Variants in TSPAN9 observed in about 807,000 individuals in gnomAD.
The protein encoded by TSPAN9 is tetraspanin-9.
TSPAN9 carries 16 observed loss-of-function variants against 31.0 expected under a neutral mutation model. The ratio of observed to expected loss-of-function variants is 0.52; its 90% CI spans 0.35 to 0.78. The LOEUF is 0.78. TSPAN9 is among the 30% of genes least tolerant of loss of function. TSPAN9 has a pLI of 0.01. For synonymous variants in TSPAN9, 145 were observed against 121.6 expected, an observed-to-expected ratio of 1.19 and a Z score of -1.27; for missense variants, 272 against 312.5, an observed-to-expected ratio of 0.87 and a Z score of 0.98.
chr12:3,281,053 C>T, intron 6 of TSPAN9, 145 bp from the exon 7 acceptor site: 2 of 1,348,174 alleles, frequency 1.5e-6, no homozygotes, highest in Non-Finnish European at 2.0e-6. Context: ...AAAGAAGGGA[C>T]AAGAAGCAAG....
intron 3 of TSPAN9, among the ~76,000 whole-genome samples, chr12:3,240,133 T>G (rs2098395838): frequency 6.6e-6 from 1 of 152,106 alleles, no homozygotes; most frequent in South Asian, 2.1e-4. Flanking sequence ...TCCACAACCT[T>G]CCATTCCTTT....
At chr12:3,081,885 A>G (rs972072763) in intron 1 of TSPAN9, among the ~76,000 whole-genome samples, 3 of 146,248 alleles carry the variant, frequency 2.1e-5, no homozygotes, top group Non-Finnish European at 3.0e-5. Flanking sequence ...CTGTGGACCT[A>G]TGGTCCCAGC....
intron 3 of TSPAN9, among the ~76,000 whole-genome samples, chr12:3,211,197 AATTTAT>A (rs1394259678): frequency 3.3e-5 from 5 of 152,184 alleles, no homozygotes; most frequent in Non-Finnish European, 7.3e-5. Flanking sequence ...GTATATTTGG[AATTTAT>A]ATTTGTATAT....
intron 2 of TSPAN9, among the ~76,000 whole-genome samples, chr12:3,175,491 C>T (rs1258033906): frequency 1.3e-5 from 2 of 152,202 alleles, no homozygotes; most frequent in Non-Finnish European, 2.9e-5. Context: ...CCAGGCACCT[C>T]GTCCTTCCCA....
chr12:3,155,377 C>T (rs776894418), intron 2 of TSPAN9, among the ~76,000 whole-genome samples: 5 of 152,262 alleles, frequency 3.3e-5, no homozygotes, highest in South Asian at 2.1e-4. Flanking sequence ...GACTGTTGAT[C>T]GTGTTCTGAG....
chr12:3,094,845 ATCTTTTT>A (rs2098307047), intron 2 of TSPAN9, among the ~76,000 whole-genome samples: 1 of 111,044 alleles, frequency 9.0e-6, no homozygotes, highest in Non-Finnish European at 2.0e-5. Flanking sequence ...AAAATCAATA[ATCTTTTT>A]TTTTTTTTTT....
intron 2 of TSPAN9, among the ~76,000 whole-genome samples, chr12:3,110,705 C>T (rs1420424229): frequency 6.6e-6 from 1 of 152,132 alleles, no homozygotes; most frequent in Non-Finnish European, 1.5e-5. Flanking sequence ...GACTTGGAAA[C>T]AAAAATGCAA....
chr12:3,246,290 C>T (rs189477980), intron 3 of TSPAN9, among the ~76,000 whole-genome samples: 93 of 152,184 alleles, frequency 6.1e-4, no homozygotes, highest in African/African-American at 2.0e-3. Flanking sequence ...ATCTAGTCGC[C>T]TCCCCACTTC....
rs534423030 is a variant in TSPAN9 at position 3,228,440 on chromosome 12, C to CAG, written c.63+27187_63+27188dup. Reference sequence around the variant, plus strand: ...TTTCACGCATGAGGATACTAAATCTCAGAGGTGTTGGGGGACCAGTCACAC... The same window carrying CAG: ...TTTCACGCATGAGGATACTAAATCTCAGAGAGGTGTTGGGGGACCAGTCACAC... On this transcript the variant is annotated intron_variant, in intron 3 of 8. Transcript: ENST00000011898. Among the ~76,000 whole-genome samples the CAG allele has an allele frequency of 1.6e-4, 25 of 152,356 alleles. No individual in the cohort carries two copies. The South Asian group carries it at 5.0e-3, about 30-fold the overall frequency.
chr12:3,145,153 G>A (rs1483443459), intron 2 of TSPAN9, among the ~76,000 whole-genome samples: 3 of 152,164 alleles, frequency 2.0e-5, no homozygotes, highest in Non-Finnish European at 2.9e-5. Context: ...GGCGTCCTCT[G>A]GTGGATGACG....
Position 3,140,771 on chromosome 12 carries a change from G to A in TSPAN9, c.-18+57052G>A, listed in dbSNP as rs370255952. ...GGGCCCACAGGGAAGGCTCAGGGAG[G>A]GCACAGAATGCTGTGAGGTTCCTGG... On this transcript the variant is annotated intron_variant, in intron 2 of 8. Transcript: ENST00000011898. Among the ~76,000 whole-genome samples, 50 of 152,198 alleles carry A rather than the reference G, an allele frequency of 3.3e-4. No homozygotes were observed. The East Asian group carries it at 8.9e-3, about 27-fold the overall frequency.
At chr12:3,154,885 G>A (rs757004813) in intron 2 of TSPAN9, among the ~76,000 whole-genome samples, 2 of 152,170 alleles carry the variant, frequency 1.3e-5, no homozygotes, top group Admixed American at 6.6e-5. Flanking sequence ...GTGGTTGAAC[G>A]TGATCACAGT....
At chr12:3,154,008 ATATGTG>A (rs1358297597) in intron 2 of TSPAN9, among the ~76,000 whole-genome samples, 1 of 56,234 alleles carries the variant, frequency 1.8e-5, no homozygotes, top group Non-Finnish European at 3.8e-5. Flanking sequence ...TATTATATAT[ATATGTG>A]TGTGTGTGTG....
intron 8 of TSPAN9, 130 bp from the exon 9 acceptor site, chr12:3,282,915 C>T (rs1453892479): frequency 9.9e-6 from 8 of 804,254 alleles, no homozygotes; most frequent in African/African-American, 1.7e-5. Flanking sequence ...ATTCCATAAG[C>T]ATTTTCCTGG....
intron 3 of TSPAN9, among the ~76,000 whole-genome samples, chr12:3,205,493 G>A (rs2098374561): frequency 6.6e-6 from 1 of 152,192 alleles, no homozygotes; most frequent in South Asian, 2.1e-4. Context: ...GTACTGGCTC[G>A]GCCATGTCAC....
chr12:3,158,033 T>C (rs2098343162), intron 2 of TSPAN9, among the ~76,000 whole-genome samples: 1 of 152,220 alleles, frequency 6.6e-6, no homozygotes, highest in South Asian at 2.1e-4. Context: ...GATGAAGGAC[T>C]GTCAGCACCA....
At chr12:3,190,227 C>T (rs921517930) in intron 2 of TSPAN9, among the ~76,000 whole-genome samples, 3 of 152,170 alleles carry the variant, frequency 2.0e-5, no homozygotes, top group Non-Finnish European at 2.9e-5. Flanking sequence ...GGTTGCAGAG[C>T]GCCGTCCCAG....
chr12:3,226,777 TATATATATATATATA>T (rs2098387917), intron 3 of TSPAN9, among the ~76,000 whole-genome samples: 2 of 7,146 alleles, frequency 2.8e-4, no homozygotes, highest in African/African-American at 4.7e-4. Flanking sequence ...TATATATATA[TATATATATATATATA>T]TATTTTTTTT....
In TSPAN9 at chr12:3,186,156, C is replaced by T. The variant is rs535849718; in HGVS notation, c.-17-15021C>T. 2.6e-5 allele frequency among the ~76,000 whole-genome samples: 4 copies of T among 152,342 alleles called. No homozygotes were observed. The South Asian group carries it at 6.2e-4, about 24-fold the overall frequency. On this transcript the variant is annotated intron_variant, in intron 2 of 8. Coordinates refer to ENST00000011898, the MANE Select transcript of TSPAN9 (RefSeq NM_006675.5). ...GCTAACTACAGGGCTCCCTCACTCGCCAGTTGCCTGCTCTTGGGAAGCCAA... is the reference window on the plus strand; with the variant it reads ...GCTAACTACAGGGCTCCCTCACTCGTCAGTTGCCTGCTCTTGGGAAGCCAA...
Sources: allele counts gnomAD v4.1 joint callset (sites outside exome capture counted in the v4.1 genomes callset), GRCh38; gene constraint gnomAD v4.1.1; transcripts MANE v1.5; gene names NCBI Gene and HGNC (gene_info 2026-07-23, HGNC 2026-07-21).